TNNI3K: variants seen among roughly 807,000 people sequenced by gnomAD.
TNNI3K encodes the protein serine/threonine-protein kinase TNNI3K.
Under a neutral mutation model 114.5 loss-of-function variants are expected in TNNI3K, and 140 were observed. The ratio of observed to expected loss-of-function variants is 1.22; its 90% CI spans 1.07 to 1.41. The LOEUF is 1.41. Ranked by LOEUF, TNNI3K falls within the 40% of genes most tolerant of loss-of-function variation. TNNI3K has a pLI of 0.00. For missense variants in TNNI3K, 1,125 were observed against 1,007.6 expected, an observed-to-expected ratio of 1.12 and a Z score of -1.58; for synonymous variants, 347 against 347.5, an observed-to-expected ratio of 1.00 and a Z score of 0.02.
At chr1:74,458,655 C>G (rs1016090176) in intron 20 of TNNI3K, among the ~76,000 whole-genome samples, 10 of 152,164 alleles carry the variant, frequency 6.6e-5, no homozygotes, top group African/African-American at 2.4e-4. Context: ...TGCTGTTAAG[C>G]TATCATCTTC....
At chr1:74,270,460 T>C (rs531185) in intron 4 of TNNI3K, among the ~76,000 whole-genome samples, 149,507 of 151,808 alleles carry the variant, frequency 0.98, 73,670 homozygotes, top group Middle Eastern at 1. Flanking sequence ...AGGTTGAAGA[T>C]GCAATATTTA....
At chr1:74,254,404 T>G (rs1310650554) in intron 4 of TNNI3K, among the ~76,000 whole-genome samples, 1 of 152,212 alleles carries the variant, frequency 6.6e-6, no homozygotes, top group Non-Finnish European at 1.5e-5. Flanking sequence ...AGGATAGGAT[T>G]CAATCCACAA....
intron 20 of TNNI3K, among the ~76,000 whole-genome samples, chr1:74,447,069 T>A (rs2100687575): frequency 6.7e-6 from 1 of 150,082 alleles, no homozygotes; most frequent in Middle Eastern, 3.4e-3. Flanking sequence ...TTTTTCCAAT[T>A]CTGTGAAGAA....
chr1:74,287,177 G>A (rs1657383771), intron 5 of TNNI3K, among the ~76,000 whole-genome samples: 1 of 151,996 alleles, frequency 6.6e-6, no homozygotes, highest in Non-Finnish European at 1.5e-5. Context: ...AAACAAAAAG[G>A]AGAAAAAGAA....
chr1:74,423,599 C>T (rs908174451), intron 17 of TNNI3K, among the ~76,000 whole-genome samples: 2 of 152,110 alleles, frequency 1.3e-5, no homozygotes, highest in Non-Finnish European at 2.9e-5. Context: ...ACTGTGGAGA[C>T]TAAATGAGAT....
intron 17 of TNNI3K, among the ~76,000 whole-genome samples, chr1:74,422,229 G>T (rs1458851515): frequency 6.6e-6 from 1 of 151,758 alleles, no homozygotes; most frequent in Non-Finnish European, 1.5e-5. Flanking sequence ...TAAAGTGAAG[G>T]TATATGTGTA....
chr1:74,416,939 C>T (rs1273597948), intron 17 of TNNI3K, among the ~76,000 whole-genome samples: 1 of 151,914 alleles, frequency 6.6e-6, no homozygotes, highest in Non-Finnish European at 1.5e-5. Context: ...TTTAGATAGA[C>T]AAAAGACTTG....
At chr1:74,337,482 T>C (rs1341122642) in intron 7 of TNNI3K, among the ~76,000 whole-genome samples, 1 of 152,126 alleles carries the variant, frequency 6.6e-6, no homozygotes, top group African/African-American at 2.4e-5. Context: ...TTATGGTTAT[T>C]AGGAGCTCCA....
intron 17 of TNNI3K, among the ~76,000 whole-genome samples, chr1:74,403,087 CTT>C (rs1480023800): frequency 6.6e-6 from 1 of 152,046 alleles, no homozygotes; most frequent in Non-Finnish European, 1.5e-5. Flanking sequence ...TTACATGTCT[CTT>C]GGTGTGTTCT....
In TNNI3K at chr1:74,354,083, T is replaced by G. The variant is rs769193406; in HGVS notation, c.1131T>G (p.Ser377Arg). 1.9e-6 allele frequency: 3 copies of G among 1,613,940 alleles called. No individual in the cohort carries two copies. Among genetic ancestry groups the G allele is most frequent in the Non-Finnish European group, 2.5e-6 (3 of 1,179,998 alleles). ...TGGCTTGTGATCCCAGCAGGTCTAG[T>G]GGTGAAAAAGATGAGCAGACATGTT... ...NLVACDPSRS[S>R]GEKDEQTCLM... The change falls in exon 11 of 25, where the codon AGT becomes AGG. Residue 377 changes from serine (S) to arginine (R), a missense_variant. By Grantham distance (110) the Ser-to-Arg change is moderately radical. Coordinates refer to ENST00000326637, the MANE Select transcript of TNNI3K (RefSeq NM_015978.3).
At chr1:74,474,387 C>G (rs1668080332) in intron 21 of TNNI3K, among the ~76,000 whole-genome samples, 1 of 152,096 alleles carries the variant, frequency 6.6e-6, no homozygotes, top group African/African-American at 2.4e-5. Context: ...TGTGGGAATG[C>G]AATGGAATAA....
At chr1:74,539,973 T>C (rs1469161713) in intron 23 of TNNI3K, among the ~76,000 whole-genome samples, 1 of 152,120 alleles carries the variant, frequency 6.6e-6, no homozygotes, top group Non-Finnish European at 1.5e-5. Context: ...GTAAATAAAC[T>C]GAGGCTCAGA....
chr1:74,286,679 T>G (rs1252809159), intron 5 of TNNI3K, among the ~76,000 whole-genome samples: 1 of 151,262 alleles, frequency 6.6e-6, no homozygotes, highest in Non-Finnish European at 1.5e-5. Context: ...GCCTGAGGAC[T>G]CCCGTGGCAA....
intron 2 of TNNI3K, among the ~76,000 whole-genome samples, chr1:74,239,004 G>A (rs781585968): frequency 6.6e-6 from 1 of 152,048 alleles, no homozygotes; most frequent in African/African-American, 2.4e-5. Flanking sequence ...TAATAAAAAT[G>A]ATACTTCTAA....
intron 17 of TNNI3K, among the ~76,000 whole-genome samples, chr1:74,427,123 T>C (rs1665676617): frequency 6.6e-6 from 1 of 152,080 alleles, no homozygotes; most frequent in African/African-American, 2.4e-5. Context: ...CTGCCTGTCC[T>C]TTGTTCTGGA....
intron 21 of TNNI3K, chr1:74,470,433 A>T (rs1258959085): frequency 7.5e-6 from 3 of 400,490 alleles, no homozygotes. Flanking sequence ...TGGGCAATGC[A>T]TTTGTGCTGT....
At chr1:74,441,849 T>C (rs1333898411) in intron 20 of TNNI3K, among the ~76,000 whole-genome samples, 2 of 152,126 alleles carry the variant, frequency 1.3e-5, no homozygotes, top group African/African-American at 2.4e-5. Flanking sequence ...ATTATAGGGA[T>C]TATAGGGAGA....
At chr1:74,543,814 T>G (rs949254624) in intron 24 of TNNI3K, 92 bp from the exon 25 acceptor site, 2 of 1,449,096 alleles carry the variant, frequency 1.4e-6, no homozygotes, top group Non-Finnish European at 1.9e-6. Context: ...TCACATGATC[T>G]GGAAGACCTG....
intron 15 of TNNI3K, 44 bp from the exon 16 acceptor site, chr1:74,369,341 TGTTTGG>T: frequency 6.2e-7 from 1 of 1,606,524 alleles, no homozygotes. Flanking sequence ...GCAAGCCCCT[TGTTTGG>T]ATCCATCTGT....
Sources: gnomAD v4.1 joint callset for allele counts (sites outside exome capture counted in the v4.1 genomes callset) on GRCh38, gnomAD v4.1.1 for gene constraint, MANE v1.5 for transcripts, NCBI Gene and HGNC (gene_info 2026-07-23, HGNC 2026-07-21) for gene names.